Variants in TENM4 observed in about 807,000 individuals in gnomAD.
TENM4 encodes the protein teneurin transmembrane protein 4.
In TENM4, 82 loss-of-function variants were observed where a neutral mutation model predicts 243.3. The ratio of observed to expected loss-of-function variants is 0.34; its 90% CI spans 0.28 to 0.40. TENM4 has a LOEUF of 0.40. Among genes scored for constraint, TENM4 ranks in the 10% least tolerant of loss-of-function variants. The probability of loss-of-function intolerance (pLI) is 1.00; values close to 1 mark genes in which losing one functional copy is unlikely to be tolerated. For synonymous variants in TENM4, 1,412 were observed against 1,456.3 expected (o/e 0.97, Z 0.69); for missense variants, 3,138 against 3,673.3 (o/e 0.85, Z 3.77).
intron 4 of TENM4, among the ~76,000 whole-genome samples, chr11:79,138,918 T>TA (rs1565219837): frequency 6.1e-4 from 40 of 65,990 alleles, no homozygotes; most frequent in African/African-American, 4.0e-3. Context: ...TAAATATATA[T>TA]TACATTTCCA....
chr11:78,658,590 C>G lies in TENM4; in HGVS notation c.7778G>C (p.Arg2593Thr), dbSNP rs752510832. ...GGCATGGTTCAAGATGGCAGCAACC[C>G]TTCGCCCATCCTCATTGGCCACACT... ...IISVANEDGR[R>T]VAAILNHAHY... is the part of the protein sequence containing the mutation. Residue 2593 changes from arginine to threonine, a missense_variant, in exon 34 of 34, where the codon AGG becomes ACG. Arg to Thr is a moderately conservative substitution (Grantham distance 71, BLOSUM62 -1). This residue lies in a region of TENM4 where 2,467 missense variants were observed against 3,059.1 expected (regional missense o/e 0.81). Coordinates refer to ENST00000278550, the MANE Select transcript of TENM4 (RefSeq NM_001098816.3). 1.2e-6 allele frequency: 2 copies of G among 1,614,034 alleles called. No homozygotes were observed. The highest frequency in any genetic ancestry group is 1.7e-6 in the Non-Finnish European group (2 of 1,179,896).
intron 1 of TENM4, among the ~76,000 whole-genome samples, chr11:79,439,974 G>C (rs2135634439): frequency 6.6e-6 from 1 of 152,072 alleles, no homozygotes; most frequent in African/African-American, 2.4e-5. Flanking sequence ...GCGAGGAGCT[G>C]GGGTCGCATC....
chr11:78,714,036 T>G (rs1859464289), intron 25 of TENM4, among the ~76,000 whole-genome samples: 1 of 152,190 alleles, frequency 6.6e-6, no homozygotes, highest in South Asian at 2.1e-4. Flanking sequence ...CTGGCCATTT[T>G]CATTGCACAG....
chr11:79,195,524 T>C (rs1863607717), intron 3 of TENM4, among the ~76,000 whole-genome samples: 1 of 152,216 alleles, frequency 6.6e-6, no homozygotes, highest in South Asian at 2.1e-4. Context: ...ATGTGAGATC[T>C]GGAGTCAAAG....
rs768680070 is a variant in TENM4 at position 78,812,294 on chromosome 11, G to T, written c.1806C>A (p.Ser602Arg). The T allele has an allele frequency of 5.2e-5, 80 of 1,551,648 alleles. No homozygotes were observed. Among genetic ancestry groups the T allele is most frequent in the Non-Finnish European group, 6.4e-5 (73 of 1,147,026 alleles). Reference protein sequence around the residue: ...CGRASCPVLCSGNGQYMKGRC... With the variant: ...CGRASCPVLCRGNGQYMKGRC... ...TGCCTTTCATGTATTGGCCATTTCC[G>T]CTACAGAGCACGGGGCAGGAGGCTG... is the stretch of plus-strand genomic sequence containing the variant. The change falls in exon 14 of 34, where the codon AGC (serine) becomes AGA (arginine). Residue 602 changes from serine to arginine, a missense_variant. Coordinates refer to ENST00000278550, the MANE Select transcript of TENM4 (RefSeq NM_001098816.3).
intron 2 of TENM4, among the ~76,000 whole-genome samples, chr11:79,289,509 T>C (rs1466525878): frequency 1.3e-5 from 2 of 152,232 alleles, no homozygotes; most frequent in Non-Finnish European, 2.9e-5. Flanking sequence ...CCAACTCCCT[T>C]TGGCTCAATG....
At position 78,805,285 on chromosome 11, in the gene TENM4, C is replaced by CCCCCCCCCCCCCCCCCCCCAAA; in HGVS notation, c.2179+6_2179+7insTTTGGGGGGGGGGGGGGGGGGG. 1 of 1,578,072 alleles carries CCCCCCCCCCCCCCCCCCCCAAA rather than the reference C, an allele frequency of 6.3e-7. No individual in the cohort carries two copies. Among genetic ancestry groups the CCCCCCCCCCCCCCCCCCCCAAA allele is most frequent in the East Asian group, 2.4e-5 (1 of 42,254 alleles). On this transcript the variant is annotated splice_region_variant and intron_variant, in intron 15 of 33. Coordinates refer to ENST00000278550, the MANE Select transcript of TENM4 (RefSeq NM_001098816.3). Reference sequence around the variant, plus strand: ...TCTACCCATGCTTCTTCTCCCCCTGCATTTACCGATAGAACAGTCGTGTCC... The same window carrying CCCCCCCCCCCCCCCCCCCCAAA: ...TCTACCCATGCTTCTTCTCCCCCTGCCCCCCCCCCCCCCCCCCCCAAAATTTACCGATAGAACAGTCGTGTCC...
chr11:79,425,846 T>G (rs1859037275), intron 1 of TENM4, among the ~76,000 whole-genome samples: 1 of 152,142 alleles, frequency 6.6e-6, no homozygotes. Context: ...GAAAGAACAG[T>G]GAGACATGTG....
rs1255878023 is a variant in TENM4, at chr11:78,786,879, G to A, written c.2365+19C>T. On this transcript the variant is annotated intron_variant, in intron 16 of 33. Transcript: ENST00000278550. ...CCTGCAGACCAGAGAAGGTACCCGG[G>A]GACCTCGGCCCGCCATACCGATGGT... The A allele has an allele frequency of 6.3e-7, 1 of 1,587,304 alleles. No homozygotes were observed. Among genetic ancestry groups the A allele is most frequent in the African/African-American group, 1.3e-5 (1 of 74,550 alleles).
chr11:78,903,571 C>A lies in TENM4; in HGVS notation c.494-48G>T, dbSNP rs1855991153. ...AGCGGCGGTGAGCTTGGTGCTGCCC[C>A]TCGGCTGGAAAAGCAGCCACGGAGG... On this transcript the variant is annotated intron_variant, in intron 6 of 33. Transcript: ENST00000278550. 2.6e-6 allele frequency: 4 copies of A among 1,538,622 alleles called. No individual in the cohort carries two copies. The African/African-American group carries it at 4.1e-5, about 16-fold the overall frequency.
chr11:79,013,170 C>G (rs1037060328), intron 6 of TENM4, among the ~76,000 whole-genome samples: 1 of 152,130 alleles, frequency 6.6e-6, no homozygotes, highest in South Asian at 2.1e-4. Flanking sequence ...TCAGGGGGCA[C>G]GAGAGCTGGT....
intron 2 of TENM4, among the ~76,000 whole-genome samples, chr11:79,256,678 C>T (rs1448831765): frequency 6.6e-6 from 1 of 152,178 alleles, no homozygotes; most frequent in Non-Finnish European, 1.5e-5. Flanking sequence ...AGGAATCCTG[C>T]TGTTTATCAA....
chr11:79,236,667 G>T (rs1475285565), intron 2 of TENM4, among the ~76,000 whole-genome samples: 2 of 152,080 alleles, frequency 1.3e-5, no homozygotes, highest in Non-Finnish European at 2.9e-5. Context: ...CCAAATACAG[G>T]CTTTCTCAAC....
At chr11:79,189,783 GA>G (rs966509634) in intron 3 of TENM4, among the ~76,000 whole-genome samples, 60 of 152,334 alleles carry the variant, frequency 3.9e-4, no homozygotes, top group African/African-American at 1.4e-3. Flanking sequence ...AATAATAGAA[GA>G]GAGGCCTGAG....
At chr11:78,832,006 G>C (rs901215130) in intron 12 of TENM4, among the ~76,000 whole-genome samples, 2 of 152,202 alleles carry the variant, frequency 1.3e-5, no homozygotes, top group Non-Finnish European at 2.9e-5. Flanking sequence ...CACAGTGCTG[G>C]TACATTGCAT....
At chr11:79,261,514 G>C (rs1328050721) in intron 2 of TENM4, among the ~76,000 whole-genome samples, 1 of 152,142 alleles carries the variant, frequency 6.6e-6, no homozygotes, top group African/African-American at 2.4e-5. Flanking sequence ...AAATAGATTG[G>C]CTTGGCTTGG....
At chr11:79,051,195 G>A (rs763137118) in intron 6 of TENM4, among the ~76,000 whole-genome samples, 5 of 152,306 alleles carry the variant, frequency 3.3e-5, no homozygotes, top group South Asian at 2.1e-4. Context: ...TGCCAGACAC[G>A]ATTCTAAGTG....
chr11:79,427,458 G>A (rs772688111), intron 1 of TENM4, among the ~76,000 whole-genome samples: 6 of 152,242 alleles, frequency 3.9e-5, no homozygotes, highest in Middle Eastern at 3.4e-3. Flanking sequence ...TTAATGGAAC[G>A]GGGAAACGAT....
intron 6 of TENM4, among the ~76,000 whole-genome samples, chr11:79,017,836 G>T (rs553482628): frequency 6.6e-6 from 1 of 152,178 alleles, no homozygotes; most frequent in Non-Finnish European, 1.5e-5. Flanking sequence ...CAGGGCTCAG[G>T]CTCAGAAGGG....
Sources: gnomAD v4.1 joint callset for allele counts (sites outside exome capture counted in the v4.1 genomes callset) on GRCh38, gnomAD v4.1.1 for gene constraint, gnomAD v4.1.1 regional missense constraint, MANE v1.5 for transcripts, NCBI Gene and HGNC (gene_info 2026-07-23, HGNC 2026-07-21) for gene names.